The following OTOA variants were observed in gnomAD, a reference collection of about 807,000 sequenced individuals.
OTOA encodes otoancorin, also known as cancer/testis antigen 108.
OTOA carries 70 observed loss-of-function variants against 110.8 expected under a neutral mutation model. The observed-to-expected ratio is 0.63, with a 90% CI of 0.52 to 0.77. The LOEUF is 0.77. Among genes scored for constraint, OTOA ranks in the 30% least tolerant of loss-of-function variants. The pLI, the probability that OTOA is intolerant of heterozygous loss-of-function variation, is 0.00. For synonymous variants in OTOA, 373 were observed against 431.5 expected (o/e 0.86, Z 1.68); for missense variants, 917 against 1,075.8 (o/e 0.85, Z 2.06).
intron 1 of OTOA, among the ~76,000 whole-genome samples, chr16:21,667,599 T>C (rs1966843219): frequency 6.6e-6 from 1 of 150,596 alleles, no homozygotes; most frequent in South Asian, 2.1e-4. Context: ...AGACTCTGTC[T>C]TAAAAAAAAA....
In OTOA at chr16:21,687,883, C is replaced by T. The variant is rs920102925; in HGVS notation, c.635+235C>T. Among the ~76,000 whole-genome samples the T allele has an allele frequency of 9.9e-5, 15 of 151,138 alleles. No homozygotes were observed. The South Asian group carries it at 1.5e-3, about 15-fold the overall frequency. On this transcript the variant is annotated intron_variant, in intron 8 of 28. Transcript: ENST00000646100. Reference sequence around the variant, plus strand: ...TTCACCATGTTGGCCAGGCTGGTTTCGAACTCCTGACATCAAGTGATCCAC... The same window carrying T: ...TTCACCATGTTGGCCAGGCTGGTTTTGAACTCCTGACATCAAGTGATCCAC...
chr16:21,684,763 T>G (rs1344555613), intron 6 of OTOA, among the ~76,000 whole-genome samples: 11 of 14,684 alleles, frequency 7.5e-4, no homozygotes, highest in Admixed American at 1.4e-3. Context: ...ATTATTATTA[T>G]TATTTTTTAG....
rs530186665 is a variant in OTOA, at chr16:21,710,465, C to A, written c.1320+362C>A. On this transcript the variant is annotated intron_variant, in intron 13 of 28. Coordinates refer to ENST00000646100, the MANE Select transcript of OTOA (RefSeq NM_144672.4). The stretch of plus-strand genomic sequence containing the variant: ...CCTTAAAGGCCTCTTAAAGGTCTCA[C>A]CTCCCAATGCCATCACATTAGGGGT... Among the ~76,000 whole-genome samples, 8 of 152,304 alleles carry A rather than the reference C, an allele frequency of 5.3e-5. No homozygotes were observed. The South Asian group carries it at 1.0e-3, about 20-fold the overall frequency.
chr16:21,726,713 G>A, intron 19 of OTOA, 55 bp downstream of exon 19: 3 of 1,609,602 alleles, frequency 1.9e-6, no homozygotes, highest in South Asian at 1.1e-5. Flanking sequence ...GGCCATCTTG[G>A]GGAGCCCTGT....
intron 21 of OTOA, among the ~76,000 whole-genome samples, chr16:21,734,791 C>T (rs1282536495): frequency 2.6e-5 from 4 of 151,966 alleles, no homozygotes; most frequent in Admixed American, 6.6e-5. Flanking sequence ...GAGCCGAGAT[C>T]GTGCCCTGCA....
At chr16:21,684,360 A>G (rs1966959166) in intron 6 of OTOA, 2 of 1,400,128 alleles carry the variant, frequency 1.4e-6, no homozygotes, top group Non-Finnish European at 1.9e-6. Context: ...CAGCAGAGGA[A>G]ATCTCTTTCA....
At chr16:21,693,259 G>C (rs1897869760) in intron 9 of OTOA, among the ~76,000 whole-genome samples, 1 of 152,114 alleles carries the variant, frequency 6.6e-6, no homozygotes, top group African/African-American at 2.4e-5. Flanking sequence ...GTGAGACCTT[G>C]TCGCAAAACA....
At chr16:21,696,662 C>T (rs1310274989) in intron 9 of OTOA, among the ~76,000 whole-genome samples, 1 of 151,956 alleles carries the variant, frequency 6.6e-6, no homozygotes, top group Non-Finnish European at 1.5e-5. Flanking sequence ...CTCCACCTCC[C>T]GGGCTCAAGA....
At chr16:21,744,117 T>G (rs1407582989) in intron 23 of OTOA, among the ~76,000 whole-genome samples, 1 of 139,614 alleles carries the variant, frequency 7.2e-6, no homozygotes, top group Non-Finnish European at 1.6e-5. Context: ...TCAACTGTGG[T>G]CACCATGCTG....
intron 20 of OTOA, chr16:21,729,811 C>A (rs1899049533): frequency 1.3e-5 from 2 of 152,090 alleles, no homozygotes; most frequent in South Asian, 2.1e-4. Context: ...TTCTCCAGGT[C>A]TTTTTTTGGC....
At chr16:21,698,034 A>T (rs1454209648) in intron 10 of OTOA, among the ~76,000 whole-genome samples, 159 bp downstream of exon 10, 1 of 152,140 alleles carries the variant, frequency 6.6e-6, no homozygotes, top group Non-Finnish European at 1.5e-5. Flanking sequence ...AAACTATTGG[A>T]AGAAAGTTTC....
rs780664514 is a variant in OTOA, at chr16:21,700,929, G to A, written c.882G>A (p.Leu294=). ...GCTATGACAACGCCACCAAGCAGCTGGACATGGTCTATGACATCACACCTG... is the reference window on the plus strand; with the variant it reads ...GCTATGACAACGCCACCAAGCAGCTAGACATGGTCTATGACATCACACCTG... ...FISYDNATKQ[L]DMVYDITPEL... is the part of the protein sequence containing the mutation. Residue 294 remains leucine (L), a synonymous_variant, in exon 11 of 29, where the codon CTG becomes CTA. Transcript: ENST00000646100. 5 of 1,613,946 alleles carry A rather than the reference G, an allele frequency of 3.1e-6. No individual in the cohort carries two copies. The highest frequency in any genetic ancestry group is 4.2e-6 in the Non-Finnish European group (5 of 1,180,024).
At chr16:21,697,439 C>A (rs1897966209) in intron 9 of OTOA, among the ~76,000 whole-genome samples, 1 of 151,952 alleles carries the variant, frequency 6.6e-6, no homozygotes, top group Non-Finnish European at 1.5e-5. Flanking sequence ...TTGAGACCAG[C>A]CTGACCAACA....
At chr16:21,687,357 G>C in intron 7 of OTOA, 56 bp from the exon 8 acceptor site, 1 of 1,443,876 alleles carries the variant, frequency 6.9e-7, no homozygotes. Context: ...CCCTCCCAGG[G>C]CTTCCAAATT....
chr16:21,681,437 G>A (rs1966890466), intron 5 of OTOA, among the ~76,000 whole-genome samples: 1 of 152,124 alleles, frequency 6.6e-6, no homozygotes, highest in African/African-American at 2.4e-5. Context: ...CAAAAAATTA[G>A]CTGGGTGTTG....
chr16:21,672,825 G>A (rs1396862485), intron 1 of OTOA, among the ~76,000 whole-genome samples: 1 of 152,068 alleles, frequency 6.6e-6, no homozygotes, highest in Non-Finnish European at 1.5e-5. Context: ...TCATCCTACA[G>A]TGGTACAGAC....
chr16:21,707,093 G>A (rs1443775079), intron 12 of OTOA, among the ~76,000 whole-genome samples: 1 of 151,814 alleles, frequency 6.6e-6, no homozygotes, highest in Admixed American at 6.6e-5. Flanking sequence ...TTGAACTCCT[G>A]ACCTCAAGTG....
intron 1 of OTOA, among the ~76,000 whole-genome samples, chr16:21,671,314 C>T (rs758767416): frequency 6.6e-6 from 1 of 151,970 alleles, no homozygotes; most frequent in Non-Finnish European, 1.5e-5. Flanking sequence ...AGGCCGGGCT[C>T]AGTGGCTCAC....
chr16:21,699,925 A>G (rs1898018216), intron 10 of OTOA, among the ~76,000 whole-genome samples: 2 of 152,006 alleles, frequency 1.3e-5, no homozygotes, highest in South Asian at 4.1e-4. Context: ...TCTCAAAAAA[A>G]TAAAAATAAA....
Sources: allele counts gnomAD v4.1 joint callset (sites outside exome capture counted in the v4.1 genomes callset), GRCh38; gene constraint gnomAD v4.1.1; transcripts MANE v1.5; gene names NCBI Gene and HGNC (gene_info 2026-07-23, HGNC 2026-07-21).